COL6A6: variants seen among roughly 807,000 people sequenced by gnomAD.
The protein encoded by COL6A6 is collagen alpha-6(VI) chain.
COL6A6 carries 183 observed loss-of-function variants against 208.6 expected under a neutral mutation model. That is an observed-to-expected ratio of 0.88 (90% CI 0.78 to 0.99). The LOEUF is 0.99. Among genes scored for constraint, COL6A6 ranks in the 50% least tolerant of loss-of-function variants. COL6A6 has a pLI of 0.00. For missense variants in COL6A6, 2,816 were observed against 2,815.2 expected, an observed-to-expected ratio of 1.00 and a Z score of -0.01; for synonymous variants, 973 against 1,011.8, an observed-to-expected ratio of 0.96 and a Z score of 0.73.
At chr3:130,658,914 C>T in intron 34 of COL6A6, 142 bp downstream of exon 34, 1 of 621,170 alleles carries the variant, frequency 1.6e-6, no homozygotes, top group Non-Finnish European at 2.9e-6. Flanking sequence ...CACCCTGTCA[C>T]ACTTCATCTT....
rs1248795285 is a variant in COL6A6, at chr3:130,573,942, T to C, written c.2978-14T>C. ...ACAATCTGGGTTTTCTGTTGTTCCT[T>C]CTCTTCTTTGTAGATTGTGAAATTG... On this transcript the variant is annotated splice_polypyrimidine_tract_variant and intron_variant, in intron 7 of 36. Transcript: ENST00000358511. 2 of 1,552,424 alleles carry C rather than the reference T, an allele frequency of 1.3e-6. No homozygotes were observed. The highest frequency in any genetic ancestry group is 1.7e-5 in the Admixed American group (1 of 58,712).
intron 11 of COL6A6, 56 bp from the exon 12 acceptor site, chr3:130,589,034 A>T: frequency 1.5e-6 from 2 of 1,357,826 alleles, no homozygotes; most frequent in Admixed American, 1.8e-5. Flanking sequence ...GAACTTGTAT[A>T]TGAGATTTGG....
intron 26 of COL6A6, among the ~76,000 whole-genome samples, chr3:130,633,976 G>A (rs1215383166): frequency 5.9e-4 from 24 of 40,970 alleles, no homozygotes; most frequent in East Asian, 6.3e-4. Context: ...TGGGTGCAGC[G>A]CACCAGCATG....
chr3:130,626,564 T>A lies in COL6A6; in HGVS notation c.4941+17T>A. On this transcript the variant is annotated intron_variant, in intron 25 of 36. Transcript: ENST00000358511. ...GGCTTGCAGGTTTGTATTTTGACAC[T>A]AGTTTTGATCGGATTCTTGGAATCT... is the stretch of plus-strand genomic sequence containing the variant. 2 of 1,592,434 alleles carry A rather than the reference T, an allele frequency of 1.3e-6. No homozygotes were observed. The highest frequency in any genetic ancestry group is 1.7e-6 in the Non-Finnish European group (2 of 1,160,274).
intron 23 of COL6A6, among the ~76,000 whole-genome samples, chr3:130,612,227 A>G (rs1422358037): frequency 2.6e-5 from 4 of 152,144 alleles, no homozygotes; most frequent in African/African-American, 9.7e-5. Flanking sequence ...TATTGTGAGT[A>G]GTGCTGCAAT....
chr3:130,608,862 C>G, intron 21 of COL6A6, 40 bp from the exon 22 acceptor site: 1 of 1,320,388 alleles, frequency 7.6e-7, no homozygotes, highest in Middle Eastern at 2.1e-4. Context: ...ACAAAATGTT[C>G]AGGAAACAGT....
At chr3:130,573,279 G>T (rs1440939810) in intron 7 of COL6A6, among the ~76,000 whole-genome samples, 2 of 152,164 alleles carry the variant, frequency 1.3e-5, no homozygotes, top group Non-Finnish European at 2.9e-5. Flanking sequence ...TTCTCTTGGT[G>T]TGCTACTATT....
At chr3:130,559,403 G>A (rs1235674783) in intron 1 of COL6A6, among the ~76,000 whole-genome samples, 1 of 152,186 alleles carries the variant, frequency 6.6e-6, no homozygotes, top group Non-Finnish European at 1.5e-5. Context: ...GAAGGACAGT[G>A]ATGTAGGTGA....
Position 130,676,367 on chromosome 3 carries a change from CAA to C in COL6A6, c.*973_*974del, listed in dbSNP as rs1215206451. 1 of 152,156 alleles carries C rather than the reference CAA, an allele frequency of 6.6e-6. No homozygotes were observed. The highest frequency in any genetic ancestry group is 2.4e-5 in the African/African-American group (1 of 41,434). 9.4% of individuals were successfully genotyped at this position (152,156 alleles called of 1,614,324 possible). ...AAATTCATATGCAGTTGCAGAGATG[CAA>C]AAGAGATCAGAGTAAGTTAAAGTAG... On this transcript the variant is annotated 3_prime_UTR_variant, in exon 37 of 37. Transcript: ENST00000358511.
At chr3:130,664,477 T>C (rs981693198) in intron 35 of COL6A6, among the ~76,000 whole-genome samples, 1 of 152,200 alleles carries the variant, frequency 6.6e-6, no homozygotes, top group Non-Finnish European at 1.5e-5. Context: ...AAAAATGGCT[T>C]TTAAATCTTT....
At chr3:130,550,874 A>T (rs1260626635) in intron 1 of COL6A6, among the ~76,000 whole-genome samples, 1 of 152,134 alleles carries the variant, frequency 6.6e-6, no homozygotes, top group Non-Finnish European at 1.5e-5. Context: ...ACATGAAGGG[A>T]TGTTGAATTT....
chr3:130,539,632 C>CAAAA lies in COL6A6; in HGVS notation c.-31-20690_-31-20687dup, dbSNP rs67040926. On this transcript the variant is annotated intron_variant, in intron 1 of 36. Transcript: ENST00000358511. The stretch of plus-strand genomic sequence containing the variant: ...TGGACAACAGAGCGAGACTCCGTCT[C>CAAAA]AAAAAAAAAAAAAAATTTATTTCTT... Among the ~76,000 whole-genome samples the CAAAA allele has an allele frequency of 2.1e-3, 288 of 137,428 alleles. 6 individuals carry two copies. In the East Asian group the frequency reaches 0.038, roughly 18 times the overall value. 90.2% of individuals were successfully genotyped at this position (137,428 alleles called of 152,430 possible). A position where few individuals can be genotyped will look rare whatever the true frequency, so the allele number is the denominator to read the frequency against.
chr3:130,563,974 G>A (rs986681369), intron 3 of COL6A6, among the ~76,000 whole-genome samples: 3 of 152,158 alleles, frequency 2.0e-5, no homozygotes, highest in Admixed American at 6.5e-5. Flanking sequence ...TAGTTGCTAT[G>A]TAGTTTTAGT....
intron 23 of COL6A6, among the ~76,000 whole-genome samples, chr3:130,615,692 T>C (rs1046607054): frequency 1.3e-5 from 2 of 152,208 alleles, no homozygotes; most frequent in African/African-American, 2.4e-5. Flanking sequence ...AGCTTGCTGG[T>C]ACCATAAATT....
At chr3:130,595,401 T>A (rs2063825465) in intron 18 of COL6A6, among the ~76,000 whole-genome samples, 1 of 152,224 alleles carries the variant, frequency 6.6e-6, no homozygotes, top group Non-Finnish European at 1.5e-5. Context: ...TGAATACACC[T>A]GTGTAGTCAC....
At chr3:130,665,858 T>A (rs933054936) in intron 36 of COL6A6, among the ~76,000 whole-genome samples, 1 of 152,180 alleles carries the variant, frequency 6.6e-6, no homozygotes, top group Admixed American at 6.5e-5. Flanking sequence ...ACAGGCTGTT[T>A]AAATAGTCTC....
intron 12 of COL6A6, 34 bp from the exon 13 acceptor site, chr3:130,591,007 G>A: frequency 6.6e-7 from 1 of 1,526,672 alleles, no homozygotes; most frequent in Non-Finnish European, 8.9e-7. Context: ...TTGGTCCATA[G>A]ATGCAAATGT....
intron 33 of COL6A6, among the ~76,000 whole-genome samples, chr3:130,652,616 G>A (rs1018682168): frequency 4.6e-5 from 7 of 152,174 alleles, no homozygotes; most frequent in Non-Finnish European, 8.8e-5. Context: ...GCTCAAAACA[G>A]AGCCATATAT....
At position 130,560,317 on chromosome 3, in the gene COL6A6, T is replaced by C; in HGVS notation, c.-31-17T>C. ...AATAATATCCACAACAATTTGTTTA[T>C]ATTTTTGCCTTTTCAGATTTGAAGT... is the stretch of plus-strand genomic sequence containing the variant. On this transcript the variant is annotated splice_polypyrimidine_tract_variant and intron_variant, in intron 1 of 36. Coordinates refer to ENST00000358511, the MANE Select transcript of COL6A6 (RefSeq NM_001102608.3). 6.9e-7 allele frequency: 1 copy of C among 1,452,890 alleles called. No individual in the cohort carries two copies. The highest frequency in any genetic ancestry group is 9.6e-7 in the Non-Finnish European group (1 of 1,043,960). 90.0% of individuals were successfully genotyped at this position (1,452,890 alleles called of 1,614,324 possible). A position where few individuals can be genotyped will look rare whatever the true frequency, so the allele number is the denominator to read the frequency against.
Sources: allele counts gnomAD v4.1 joint callset (sites outside exome capture counted in the v4.1 genomes callset), GRCh38; gene constraint gnomAD v4.1.1; transcripts MANE v1.5; gene names NCBI Gene and HGNC (gene_info 2026-07-23, HGNC 2026-07-21).